The following TNRC6C variants were observed in gnomAD, a reference collection of about 807,000 sequenced individuals.
The protein encoded by TNRC6C is trinucleotide repeat containing adaptor 6C, also known as trinucleotide repeat-containing gene 6C protein.
TNRC6C carries 20 observed loss-of-function variants against 153.7 expected under a neutral mutation model. The observed-to-expected ratio is 0.13, with a 90% CI of 0.09 to 0.19. The LOEUF is 0.19. Among genes scored for constraint, TNRC6C ranks in the 10% least tolerant of loss-of-function variants. The pLI, the probability that TNRC6C is intolerant of heterozygous loss-of-function variation, is 1.00. For missense variants in TNRC6C, 1,987 were observed against 2,172.0 expected (o/e 0.91, Z 1.69); for synonymous variants, 811 against 841.4 (o/e 0.96, Z 0.63).
chr17:78,065,863 T>C (rs916985680), intron 4 of TNRC6C, among the ~76,000 whole-genome samples: 3 of 152,248 alleles, frequency 2.0e-5, no homozygotes, highest in Non-Finnish European at 4.4e-5. Context: ...AGTGGAATTC[T>C]TATATGGGTG....
chr17:78,050,805 C>T (rs369017367), exon 3 of TNRC6C: 65 of 1,612,598 alleles, frequency 4.0e-5, no homozygotes, highest in Non-Finnish European at 5.3e-5. Flanking sequence ...AATCCCAACA[C>T]TGGGGAGATG....
chr17:77,975,907 T>C (rs1315857001), intron 1 of TNRC6C, among the ~76,000 whole-genome samples: 1 of 152,220 alleles, frequency 6.6e-6, no homozygotes, highest in Non-Finnish European at 1.5e-5. Flanking sequence ...ATTTTTCTCA[T>C]TCCATGGTGT....
intron 1 of TNRC6C, among the ~76,000 whole-genome samples, chr17:77,974,773 A>G (rs145085473): frequency 1.3e-5 from 2 of 152,340 alleles, no homozygotes; most frequent in African/African-American, 4.8e-5. Flanking sequence ...CCAAGAACAA[A>G]TCTTAACTCA....
chr17:78,050,924 C>T (rs1158069404), exon 3 of TNRC6C: 1 of 1,613,954 alleles, frequency 6.2e-7, no homozygotes, highest in Non-Finnish European at 8.5e-7. Context: ...GGATGGGATG[C>T]TGACAGTAAT....
intron 1 of TNRC6C, among the ~76,000 whole-genome samples, chr17:78,014,802 G>A (rs993011352): frequency 5.3e-5 from 8 of 151,586 alleles, no homozygotes; most frequent in Admixed American, 3.3e-4. Flanking sequence ...ATGTTGCCAC[G>A]GTGATAGATC....
At chr17:78,074,745 C>T (rs1245480816) in intron 7 of TNRC6C, among the ~76,000 whole-genome samples, 2 of 152,198 alleles carry the variant, frequency 1.3e-5, no homozygotes, top group Non-Finnish European at 2.9e-5. Context: ...AAGAAAGCAA[C>T]CACTGAGCCC....
intron 1 of TNRC6C, among the ~76,000 whole-genome samples, chr17:78,018,350 G>A (rs1487773460): frequency 1.3e-5 from 2 of 152,152 alleles, no homozygotes; most frequent in African/African-American, 2.4e-5. Flanking sequence ...GGCTGGTCTC[G>A]AACTCCTGAC....
At chr17:78,050,533 G>A (rs781234417) in exon 3 of TNRC6C, 1 of 1,613,774 alleles carries the variant, frequency 6.2e-7, no homozygotes, top group African/African-American at 1.3e-5. Context: ...AAACTCAGGG[G>A]GGAAGAACGA....
chr17:77,996,038 A>G (rs1375305338), intron 1 of TNRC6C, among the ~76,000 whole-genome samples: 1 of 152,146 alleles, frequency 6.6e-6, no homozygotes, highest in Admixed American at 6.5e-5. Flanking sequence ...ATACCACTGC[A>G]CTTTAACCTG....
At chr17:78,094,277 C>T (rs2144583158) in intron 16 of TNRC6C, among the ~76,000 whole-genome samples, 1 of 152,056 alleles carries the variant, frequency 6.6e-6, no homozygotes, top group Non-Finnish European at 1.5e-5. Flanking sequence ...AGTGCCATCT[C>T]TGATAAAGTT....
chr17:78,089,129 G>C (rs2073351520), intron 13 of TNRC6C, among the ~76,000 whole-genome samples: 2 of 151,738 alleles, frequency 1.3e-5, no homozygotes, highest in South Asian at 4.2e-4. Context: ...CACCACGCCT[G>C]GCTAATTTTT....
intron 1 of TNRC6C, among the ~76,000 whole-genome samples, chr17:78,006,232 A>C (rs1038971440): frequency 3.9e-5 from 6 of 152,218 alleles, no homozygotes; most frequent in Admixed American, 6.5e-5. Flanking sequence ...GAACCTCTAG[A>C]CTAGAGTCAC....
Position 77,964,444 on chromosome 17 carries a change from A to T in TNRC6C, c.-38+5176A>T, listed in dbSNP as rs149396459. The stretch of plus-strand genomic sequence containing the variant: ...TAATACCAGATGCAAGTTGGTGCCC[A>T]GGTGGTTATTGGGAATATGTGCTTT... On this transcript the variant is annotated intron_variant, in intron 1 of 22. Transcript: ENST00000636222. Among the ~76,000 whole-genome samples the T allele has an allele frequency of 4.6e-5, 7 of 152,324 alleles. No individual in the cohort carries two copies. In the East Asian group the frequency reaches 1.3e-3, roughly 29 times the overall value.
At chr17:78,004,348 G>A (rs2071460174), upstream of TNRC6C, 3 of 1,227,370 alleles carry the variant, frequency 2.4e-6, no homozygotes, top group East Asian at 9.5e-5. Flanking sequence ...TATATGACAA[G>A]GTTTCATTCT....
At chr17:78,027,382 A>T (rs1009371283) in intron 1 of TNRC6C, among the ~76,000 whole-genome samples, 2 of 152,216 alleles carry the variant, frequency 1.3e-5, no homozygotes, top group African/African-American at 2.4e-5. Context: ...TACAGTAGCC[A>T]GACAGTCCCT....
chr17:78,086,954 G>C, exon 13 of TNRC6C: 1 of 1,613,206 alleles, frequency 6.2e-7, no homozygotes, highest in Non-Finnish European at 8.5e-7. Context: ...CACCGCCCCC[G>C]CCGCACCTGT....
chr17:77,999,918 C>T (rs1386201489), upstream of TNRC6C, among the ~76,000 whole-genome samples: 2 of 152,230 alleles, frequency 1.3e-5, no homozygotes, highest in Non-Finnish European at 2.9e-5. Flanking sequence ...CAACATACAC[C>T]TTTGCCATAT....
upstream of TNRC6C, among the ~76,000 whole-genome samples, chr17:77,958,170 G>A (rs999715635): frequency 5.9e-5 from 9 of 151,974 alleles, no homozygotes; most frequent in Admixed American, 2.0e-4. Flanking sequence ...GGCGCCGGGC[G>A]CCGCCGGGCG....
exon 3 of TNRC6C, chr17:78,050,996 C>G (rs1230942631): frequency 5.0e-6 from 8 of 1,613,738 alleles, no homozygotes; most frequent in Non-Finnish European, 5.1e-6. Flanking sequence ...GGCAACAGCA[C>G]AAATACAAAG....
Sources: gnomAD v4.1 joint callset for allele counts (sites outside exome capture counted in the v4.1 genomes callset) on GRCh38, gnomAD v4.1.1 for gene constraint, MANE v1.5 for transcripts, NCBI Gene and HGNC (gene_info 2026-07-23, HGNC 2026-07-21) for gene names.